The following TASP1 variants were observed in gnomAD, a reference collection of about 807,000 sequenced individuals.
TASP1 encodes the protein threonine aspartase 1.
Under a neutral mutation model 56.6 loss-of-function variants are expected in TASP1, and 16 were observed. The observed-to-expected ratio is 0.28, with a 90% CI of 0.19 to 0.43. TASP1 has a LOEUF of 0.43. Ranked by LOEUF, TASP1 falls within the 20% of genes least tolerant of loss-of-function variation. The probability of loss-of-function intolerance (pLI) is 1.00; values close to 1 mark genes in which losing one functional copy is unlikely to be tolerated. For missense variants in TASP1, 393 were observed against 511.6 expected, an observed-to-expected ratio of 0.77 and a Z score of 2.24; for synonymous variants, 179 against 184.2, an observed-to-expected ratio of 0.97 and a Z score of 0.23.
chr20:13,314,012 G>T, the TASP1 span, among the ~76,000 whole-genome samples: 1 of 152,256 alleles, frequency 6.6e-6, no homozygotes, highest in East Asian at 1.9e-4. Context: ...GGGCTTTTTG[G>T]CAGACTGGAC....
intron 4 of TASP1, among the ~76,000 whole-genome samples, chr20:13,609,910 G>A (rs1454439920): frequency 6.6e-6 from 1 of 152,108 alleles, no homozygotes; most frequent in East Asian, 1.9e-4. Flanking sequence ...ATAGATACAT[G>A]AATAATGTTG....
At chr20:13,591,757 G>A (rs1040000963) in intron 4 of TASP1, among the ~76,000 whole-genome samples, 1 of 152,104 alleles carries the variant, frequency 6.6e-6, no homozygotes, top group Non-Finnish European at 1.5e-5. Flanking sequence ...GTATCATGGG[G>A]TTTATAACAT....
intron 12 of TASP1, among the ~76,000 whole-genome samples, chr20:13,424,412 C>T (rs2042552538): frequency 1.3e-5 from 2 of 152,092 alleles, no homozygotes; most frequent in Admixed American, 1.3e-4. Flanking sequence ...CTTCCATGTA[C>T]TGAAAATTGA....
At position 13,405,298 on chromosome 20, in the gene TASP1, C is replaced by T. The variant is rs1196401371; in HGVS notation, c.1170+12150G>A. Reference sequence around the variant, plus strand: ...GTATACTTAATTAAAGTTTAAAGTACGTAAGCAGTTAGGTAAGCTTGTGAA... The same window carrying T: ...GTATACTTAATTAAAGTTTAAAGTATGTAAGCAGTTAGGTAAGCTTGTGAA... On this transcript the variant is annotated intron_variant, in intron 13 of 13. Coordinates refer to ENST00000337743, the MANE Select transcript of TASP1 (RefSeq NM_017714.3). 5.3e-5 allele frequency among the ~76,000 whole-genome samples: 8 copies of T among 152,120 alleles called. No homozygotes were observed. The South Asian group carries it at 6.2e-4, about 12-fold the overall frequency.
chr20:13,453,567 G>C (rs983876674), intron 11 of TASP1, among the ~76,000 whole-genome samples: 1 of 152,120 alleles, frequency 6.6e-6, no homozygotes, highest in Non-Finnish European at 1.5e-5. Context: ...TGGGATTTAA[G>C]AGCCTAAACT....
the TASP1 span, among the ~76,000 whole-genome samples, chr20:13,196,578 A>G: frequency 5.0e-3 from 763 of 152,316 alleles, 2 homozygotes; most frequent in African/African-American, 0.017. Context: ...AGCACTTCAT[A>G]TGTGCCATCT....
At chr20:13,634,943 G>A (rs113892192) in intron 1 of TASP1, among the ~76,000 whole-genome samples, 13 of 152,188 alleles carry the variant, frequency 8.5e-5, no homozygotes, top group African/African-American at 2.4e-4. Context: ...CAGGAGAATC[G>A]CTTGAACCCA....
the TASP1 span, among the ~76,000 whole-genome samples, chr20:13,146,927 C>A: frequency 1.3e-5 from 2 of 152,218 alleles, no homozygotes; most frequent in African/African-American, 2.4e-5. Flanking sequence ...GATCTCCAAG[C>A]CTCTGTTTCC....
rs916498693 is a variant in TASP1, at chr20:13,569,679, A to C, written c.489-93T>G. The C allele has an allele frequency of 3.7e-6, 4 of 1,073,756 alleles. No individual in the cohort carries two copies. In the Admixed American group the frequency reaches 6.4e-5, roughly 17 times the overall value. 66.5% of individuals were successfully genotyped at this position (1,073,756 alleles called of 1,614,324 possible). A position where few individuals can be genotyped will look rare whatever the true frequency, so the allele number is the denominator to read the frequency against. On this transcript the variant is annotated intron_variant, in intron 6 of 13. Coordinates refer to ENST00000337743, the MANE Select transcript of TASP1 (RefSeq NM_017714.3). ...GTAATATGGTAAGGCAGTTGAGAAA[A>C]AGTCTTGCATATGGACATAATTCCA...
chr20:13,582,566 T>C (rs2047165242), intron 5 of TASP1, among the ~76,000 whole-genome samples: 3 of 152,190 alleles, frequency 2.0e-5, no homozygotes, highest in Admixed American at 2.0e-4. Flanking sequence ...CATTTTTTTA[T>C]TTGAAGCTAT....
At chr20:13,337,089 G>A in the TASP1 span, among the ~76,000 whole-genome samples, 1 of 152,188 alleles carries the variant, frequency 6.6e-6, no homozygotes, top group Non-Finnish European at 1.5e-5. Context: ...AGGGATTCTG[G>A]GGTTTTGTAA....
At chr20:13,191,410 TA>T in the TASP1 span, among the ~76,000 whole-genome samples, 21 of 152,192 alleles carry the variant, frequency 1.4e-4, no homozygotes, top group African/African-American at 4.1e-4. Flanking sequence ...ATTCATCTAT[TA>T]AAAATTATAA....
the TASP1 span, chr20:13,280,003 G>T: frequency 8.5e-7 from 1 of 1,176,144 alleles, no homozygotes; most frequent in Non-Finnish European, 1.2e-6. Context: ...GTGGCTTTTG[G>T]TCTTCTGTGA....
chr20:13,358,335 T>C, the TASP1 span, among the ~76,000 whole-genome samples: 1 of 152,336 alleles, frequency 6.6e-6, no homozygotes, highest in East Asian at 1.9e-4. Flanking sequence ...GCATGAAATT[T>C]GGTGCCGTGA....
chr20:13,145,451 A>G, the TASP1 span, among the ~76,000 whole-genome samples: 10 of 152,212 alleles, frequency 6.6e-5, no homozygotes, highest in Admixed American at 4.6e-4. Context: ...GATCTCTACA[A>G]TGAAAATTAC....
At chr20:13,225,448 T>C in the TASP1 span, among the ~76,000 whole-genome samples, 1 of 152,192 alleles carries the variant, frequency 6.6e-6, no homozygotes, top group Non-Finnish European at 1.5e-5. Context: ...TACACATACA[T>C]TATATATACA....
At chr20:13,518,048 C>A (rs2044604093) in intron 10 of TASP1, among the ~76,000 whole-genome samples, 1 of 152,088 alleles carries the variant, frequency 6.6e-6, no homozygotes. Context: ...TATCTAGGCT[C>A]ACATCTAGAA....
chr20:13,215,140 A>C, the TASP1 span, among the ~76,000 whole-genome samples: 2 of 152,214 alleles, frequency 1.3e-5, no homozygotes, highest in Non-Finnish European at 2.9e-5. Context: ...AATACAAAGC[A>C]CGTTGGTCTT....
chr20:13,402,650 T>G (rs2041780832), intron 13 of TASP1, among the ~76,000 whole-genome samples: 1 of 152,230 alleles, frequency 6.6e-6, no homozygotes, highest in Non-Finnish European at 1.5e-5. Flanking sequence ...AGAACTAGAT[T>G]ATCAAAAGCA....
Sources: gnomAD v4.1 joint callset for allele counts (sites outside exome capture counted in the v4.1 genomes callset) on GRCh38, gnomAD v4.1.1 for gene constraint, MANE v1.5 for transcripts, NCBI Gene and HGNC (gene_info 2026-07-23, HGNC 2026-07-21) for gene names.